Variants in KRT80 observed in about 807,000 individuals in gnomAD.
KRT80 encodes keratin 80.
In KRT80, 36 loss-of-function variants were observed where a neutral mutation model predicts 51.5. That is an observed-to-expected ratio of 0.70 (90% CI 0.54 to 0.92). The LOEUF is 0.92. Ranked by LOEUF, KRT80 falls within the 40% of genes least tolerant of loss-of-function variation. The pLI is 0.00. For synonymous variants in KRT80, 235 were observed against 248.3 expected, an observed-to-expected ratio of 0.95 and a Z score of 0.50; for missense variants, 566 against 591.7, an observed-to-expected ratio of 0.96 and a Z score of 0.45.
At chr12:52,191,369 C>A (rs1031282851) in intron 1 of KRT80, among the ~76,000 whole-genome samples, 4 of 152,194 alleles carry the variant, frequency 2.6e-5, no homozygotes, top group African/African-American at 9.7e-5. Context: ...TTATTATCAA[C>A]ACATCCCTCA....
chr12:52,179,589 G>C (rs1036829577), intron 4 of KRT80, among the ~76,000 whole-genome samples: 1 of 152,248 alleles, frequency 6.6e-6, no homozygotes, highest in South Asian at 2.1e-4. Context: ...CATGAGGCCC[G>C]GTCTTCCTTT....
Position 52,171,696 on chromosome 12 carries a change from G to A in KRT80, c.1196C>T (p.Ala399Val). Residue 399 changes from alanine (A) to valine (V), a missense_variant, in exon 8 of 9, where the codon GCC (alanine) becomes GTC (valine). Transcript: ENST00000394815. The part of the protein sequence containing the change: ...GEEGRMDSPS[A>V]TVVSAVQSRC... ...GGACTGCACAGCGCTGACCACAGTG[G>A]CTGAGGGCGAGTCCATCCTGGGGGT... 6.4e-7 allele frequency: 1 copy of A among 1,565,348 alleles called. No homozygotes were observed.
rs755778965 is a variant in KRT80 at position 52,185,560 on chromosome 12, G to C, written c.328C>G (p.Leu110Val). Residue 110 changes from leucine (L) to valine (V), a missense_variant, in exon 2 of 9, where the codon CTG becomes GTG. By Grantham distance (32) the Leu-to-Val change is conservative. Transcript: ENST00000394815. Reference sequence around the variant, plus strand: ...AGGAAGCTCCAGCGTGTCTCCAGCAGCTGGTTGCGCTGTTCCAGGGCTTGC... The same window carrying C: ...AGGAAGCTCCAGCGTGTCTCCAGCACCTGGTTGCGCTGTTCCAGGGCTTGC... The part of the protein sequence containing the change: ...KVQALEQRNQ[L>V]LETRWSFLQG... The C allele has an allele frequency of 3.1e-6, 5 of 1,610,642 alleles. No homozygotes were observed. The African/African-American group carries it at 5.3e-5, about 17-fold the overall frequency.
intron 1 of KRT80, among the ~76,000 whole-genome samples, chr12:52,186,037 T>C (rs1271791947): frequency 6.6e-6 from 1 of 151,992 alleles, no homozygotes; most frequent in African/African-American, 2.4e-5. Flanking sequence ...GTACTGTCCT[T>C]AAGTGCTCAT....
chr12:52,180,470 GC>G (rs1941298959), intron 4 of KRT80, 42 bp downstream of exon 4: 2 of 1,348,972 alleles, frequency 1.5e-6, no homozygotes, highest in South Asian at 4.4e-5. Context: ...CCATGGACCA[GC>G]CAGCTCTGGG....
chr12:52,178,919 C>A (rs1438808012), intron 4 of KRT80, among the ~76,000 whole-genome samples: 2 of 151,720 alleles, frequency 1.3e-5, no homozygotes, highest in Non-Finnish European at 1.5e-5. Flanking sequence ...CCAAGGACTG[C>A]AAAATCCAAA....
chr12:52,171,228 C>G lies in KRT80; in HGVS notation c.*170G>C, dbSNP rs917914464. 1.5e-6 allele frequency: 1 copy of G among 677,342 alleles called. No homozygotes were observed. Among genetic ancestry groups the G allele is most frequent in the African/African-American group, 1.8e-5 (1 of 55,746 alleles). The allele number at this position is 677,342 out of a possible 1,614,324, so 42.0% of individuals were successfully genotyped here. On this transcript the variant is annotated 3_prime_UTR_variant, in exon 9 of 9. Coordinates refer to ENST00000394815, the MANE Select transcript of KRT80 (RefSeq NM_182507.3). ...GCTCTGAGGAGCTGGTGATGCTCCT[C>G]TCCCACCCTGGCAGCCCACAAAACA...
chr12:52,191,940 G>T lies in KRT80; in HGVS notation c.-38C>A. On this transcript the variant is annotated 5_prime_UTR_variant, in exon 1 of 9. Coordinates refer to ENST00000394815, the MANE Select transcript of KRT80 (RefSeq NM_182507.3). ...CGGAAGCAGGAGGGCCCAGGGGGGT[G>T]AGCGAGTGAGCCTGGGGTTGCGTCG... 3 of 1,433,604 alleles carry T rather than the reference G, an allele frequency of 2.1e-6. No individual in the cohort carries two copies. Among genetic ancestry groups the T allele is most frequent in the South Asian group, 1.5e-5 (1 of 67,884 alleles). 88.8% of individuals were successfully genotyped at this position (1,433,604 alleles called of 1,614,324 possible).
At chr12:52,176,695 G>A (rs1269818558) in intron 4 of KRT80, among the ~76,000 whole-genome samples, 1 of 152,144 alleles carries the variant, frequency 6.6e-6, no homozygotes, top group Non-Finnish European at 1.5e-5. Context: ...TGGTCATGCT[G>A]GTCTCGAACT....
rs1424510979 is a variant in KRT80 at position 52,180,814 on chromosome 12, T to C, written c.570+89A>G. On this transcript the variant is annotated intron_variant, in intron 3 of 8. Transcript: ENST00000394815. ...GGACTTAAGCCTCTGAGGGCTTTGA[T>C]TGGGCATAAAGGAGAGTAGGATATC... 3 of 1,603,600 alleles carry C rather than the reference T, an allele frequency of 1.9e-6. No individual in the cohort carries two copies. The East Asian group carries it at 6.8e-5, about 36-fold the overall frequency.
At chr12:52,182,621 G>A (rs191369283) in intron 2 of KRT80, among the ~76,000 whole-genome samples, 2 of 152,222 alleles carry the variant, frequency 1.3e-5, no homozygotes, top group Non-Finnish European at 2.9e-5. Context: ...CACAGCACAG[G>A]TGCCTCTCTG....
chr12:52,174,392 AGGAGCCTGGGC>A (rs1941181669), intron 4 of KRT80, among the ~76,000 whole-genome samples: 1 of 152,234 alleles, frequency 6.6e-6, no homozygotes, highest in African/African-American at 2.4e-5. Context: ...ACAGCCTGTG[AGGAGCCTGGGC>A]GCAGCCTCCA....
chr12:52,172,597 A>G (rs11830670), intron 6 of KRT80, among the ~76,000 whole-genome samples, 179 bp from the exon 7 acceptor site: 95 of 152,280 alleles, frequency 6.2e-4, no homozygotes, highest in African/African-American at 2.2e-3. Context: ...TTAGACCTGA[A>G]GAGGCACCTT....
At chr12:52,189,824 T>C (rs1941454873) in intron 1 of KRT80, among the ~76,000 whole-genome samples, 1 of 152,252 alleles carries the variant, frequency 6.6e-6, no homozygotes, top group African/African-American at 2.4e-5. Context: ...GGCATTGCCC[T>C]GGTCTCTGGG....
chr12:52,183,804 G>A (rs1198713445), intron 2 of KRT80, among the ~76,000 whole-genome samples: 1 of 152,194 alleles, frequency 6.6e-6, no homozygotes, highest in Non-Finnish European at 1.5e-5. Flanking sequence ...AGCATGCAAG[G>A]CTGTGTAACT....
At chr12:52,187,156 T>TC (rs1393169296) in intron 1 of KRT80, among the ~76,000 whole-genome samples, 4 of 152,226 alleles carry the variant, frequency 2.6e-5, no homozygotes, top group African/African-American at 9.6e-5. Flanking sequence ...GGGGCCTGGC[T>TC]CCCGTCAGTG....
At chr12:52,189,856 G>T (rs1184575598) in intron 1 of KRT80, among the ~76,000 whole-genome samples, 1 of 152,244 alleles carries the variant, frequency 6.6e-6, no homozygotes, top group Non-Finnish European at 1.5e-5. Context: ...AACCCTGAGG[G>T]CCTCTTCCCT....
chr12:52,172,665 A>G (rs915165525), intron 6 of KRT80, among the ~76,000 whole-genome samples: 1 of 152,152 alleles, frequency 6.6e-6, no homozygotes, highest in African/African-American at 2.4e-5. Flanking sequence ...GGCTGTCCTT[A>G]TGGGGCAGCA....
At chr12:52,186,221 C>T (rs933006531) in intron 1 of KRT80, among the ~76,000 whole-genome samples, 5 of 152,210 alleles carry the variant, frequency 3.3e-5, no homozygotes, top group Middle Eastern at 3.4e-3. Flanking sequence ...CTTCCCATCA[C>T]CAGGCCCTCT....
Sources: gnomAD v4.1 joint callset for allele counts (sites outside exome capture counted in the v4.1 genomes callset) on GRCh38, gnomAD v4.1.1 for gene constraint, MANE v1.5 for transcripts, NCBI Gene and HGNC (gene_info 2026-07-23, HGNC 2026-07-21) for gene names.